CDKL5: variants seen among roughly 807,000 people sequenced by gnomAD.
The protein encoded by CDKL5 is cyclin-dependent kinase-like 5.
CDKL5 carries 8 observed loss-of-function variants against 61.7 expected under a neutral mutation model. That is an observed-to-expected ratio of 0.13 (90% CI 0.08 to 0.23). CDKL5 has a LOEUF of 0.23. CDKL5 is among the 10% of genes least tolerant of loss of function. The pLI is 1.00. For missense variants in CDKL5, 440 were observed against 734.5 expected (o/e 0.60, Z 4.63); for synonymous variants, 275 against 272.3 (o/e 1.01, Z -0.10).
Position 18,581,833 on chromosome X carries a change from G to A in CDKL5, c.404-58G>A, listed in dbSNP as rs760880490. 6.7e-5 allele frequency: 51 copies of A among 756,247 alleles called. No homozygotes were observed. The African/African-American group carries it at 9.3e-4, about 14-fold the overall frequency. 62.3% of individuals were successfully genotyped at this position (756,247 alleles called of 1,213,427 possible). On this transcript the variant is annotated intron_variant, in intron 6 of 17. Transcript: ENST00000623535. Reference sequence around the variant, plus strand: ...GATGCTATTACAGTGATCTAACAGTGTCAATCAGGAGAACATAGAACATTT... The same window carrying A: ...GATGCTATTACAGTGATCTAACAGTATCAATCAGGAGAACATAGAACATTT...
Position 18,629,783 on chromosome X carries a change from GT to G in CDKL5, c.*1027del. On this transcript the variant is annotated 3_prime_UTR_variant, in exon 18 of 18. Transcript: ENST00000623535. ...GTCCTCACACACTTGGCTCCTGTTT[GT>G]GTCCAGGGACGTTACTTGCACACAG... 1 of 754,550 alleles carries G rather than the reference GT, an allele frequency of 1.3e-6. No homozygotes were observed. The highest frequency in any genetic ancestry group is 1.6e-6 in the Non-Finnish European group (1 of 639,438). 62.2% of individuals were successfully genotyped at this position (754,550 alleles called of 1,213,427 possible).
chrX:18,434,443 T>C (rs913098473), intron 1 of CDKL5, among the ~76,000 whole-genome samples: 16 of 111,689 alleles, frequency 1.4e-4, no homozygotes, highest in African/African-American at 4.2e-4. Flanking sequence ...AATATTTTAC[T>C]GTCAGTTCAA....
At chrX:18,617,244 G>T (rs1299426840) in intron 15 of CDKL5, among the ~76,000 whole-genome samples, 2 of 111,670 alleles carry the variant, frequency 1.8e-5, no homozygotes, top group Non-Finnish European at 3.8e-5. Context: ...CTTACCACTT[G>T]TCTCATTGCC....
rs1373973217 is a variant in CDKL5 at position 18,450,180 on chromosome X, C to G, written c.-163+24485C>G. Among the ~76,000 whole-genome samples, 5 of 111,844 alleles carry G rather than the reference C, an allele frequency of 4.5e-5. No homozygotes were observed. In the East Asian group the frequency reaches 1.4e-3, roughly 32 times the overall value. ...CTTAATTCTTTTGAAGTGAAATAAGCAGATGCTGCCAAATGTAAGATATGT... is the reference window on the plus strand; with the variant it reads ...CTTAATTCTTTTGAAGTGAAATAAGGAGATGCTGCCAAATGTAAGATATGT... On this transcript the variant is annotated intron_variant, in intron 1 of 17. Coordinates refer to ENST00000623535, the MANE Select transcript of CDKL5 (RefSeq NM_001323289.2).
At chrX:18,645,685 A>G (rs1167962351) in intron 19 of CDKL5, among the ~76,000 whole-genome samples, 2 of 111,244 alleles carry the variant, frequency 1.8e-5, no homozygotes, top group Admixed American at 9.6e-5. Context: ...CTCTGGCCCC[A>G]CAGGAACCAG....
intron 10 of CDKL5, among the ~76,000 whole-genome samples, chrX:18,595,928 C>T (rs754696835): frequency 8.9e-6 from 1 of 111,757 alleles, no homozygotes; most frequent in Non-Finnish European, 1.9e-5. Flanking sequence ...AGTGTTCTTC[C>T]TTATGCTACC....
chrX:18,525,720 A>G (rs1298069608), intron 3 of CDKL5, among the ~76,000 whole-genome samples: 1 of 106,185 alleles, frequency 9.4e-6, no homozygotes, highest in Non-Finnish European at 1.9e-5. Context: ...GTTGAGAAGA[A>G]CTGACATCTT....
intron 15 of CDKL5, among the ~76,000 whole-genome samples, chrX:18,618,207 C>T (rs1926778710): frequency 8.9e-6 from 1 of 111,862 alleles, no homozygotes; most frequent in Admixed American, 9.5e-5. Flanking sequence ...ACCCTCAACA[C>T]ACCTGTGGTA....
At chrX:18,561,796 A>T (rs150524569) in intron 3 of CDKL5, among the ~76,000 whole-genome samples, 1 of 111,495 alleles carries the variant, frequency 9.0e-6, no homozygotes, top group Non-Finnish European at 1.9e-5. Flanking sequence ...TCAACATGTC[A>T]TATATTAAAA....
rs895672383 is a variant in CDKL5, at chrX:18,549,752, G to T, written c.100-14725G>T. ...CATTCCCCGCCCCCATCACCTTAGG[G>T]AACTGAAATTCAAGGTTTAGGGGGT... On this transcript the variant is annotated intron_variant, in intron 3 of 17. Coordinates refer to ENST00000623535, the MANE Select transcript of CDKL5 (RefSeq NM_001323289.2). Among the ~76,000 whole-genome samples, 8 of 111,390 alleles carry T rather than the reference G, an allele frequency of 7.2e-5. No homozygotes were observed. The Admixed American group carries it at 7.7e-4, about 11-fold the overall frequency.
At chrX:18,450,940 G>A (rs1932000320) in intron 1 of CDKL5, among the ~76,000 whole-genome samples, 1 of 108,500 alleles carries the variant, frequency 9.2e-6, no homozygotes, top group South Asian at 4.0e-4. Flanking sequence ...CTTTATTTGA[G>A]CACAGAACAC....
chrX:18,536,991 CTTT>C (rs377081484), intron 3 of CDKL5, among the ~76,000 whole-genome samples: 2 of 95,850 alleles, frequency 2.1e-5, no homozygotes. Context: ...AAAAATGTAG[CTTT>C]TTTTTTTTTT....
chrX:18,473,222 G>A (rs770976183), intron 1 of CDKL5, among the ~76,000 whole-genome samples: 1 of 110,746 alleles, frequency 9.0e-6, no homozygotes, highest in East Asian at 2.8e-4. Context: ...GCCTCCCAAA[G>A]TGCTGGAATT....
rs375394208 is a variant in CDKL5 at position 18,622,533 on chromosome X, G to A, written c.2376+2567G>A. Among the ~76,000 whole-genome samples, 300 of 112,516 alleles carry A rather than the reference G, an allele frequency of 2.7e-3. 2 individuals carry two copies. Among genetic ancestry groups the A allele is most frequent in the South Asian group, 6.2e-3 (17 of 2,734 alleles). On this transcript the variant is annotated intron_variant, in intron 16 of 17. Transcript: ENST00000623535. ...TTCACTTTCTAGAACTCAGCAAAAA[G>A]AAACTACATAGAATAAGCTTCAAAA...
chrX:18,571,887 AAG>A (rs1925145418), intron 4 of CDKL5, among the ~76,000 whole-genome samples: 1 of 111,613 alleles, frequency 9.0e-6, no homozygotes, highest in Non-Finnish European at 1.9e-5. Context: ...TAAAGTAGAA[AAG>A]CCTTTATTTC....
At chrX:18,469,579 C>T (rs1161966225) in intron 1 of CDKL5, among the ~76,000 whole-genome samples, 1 of 103,840 alleles carries the variant, frequency 9.6e-6, no homozygotes, top group Non-Finnish European at 2.0e-5. Context: ...ACCCAGGAGG[C>T]GGAGGTTGCA....
At chrX:18,566,460 T>A (rs1272522805) in intron 4 of CDKL5, among the ~76,000 whole-genome samples, 1 of 112,731 alleles carries the variant, frequency 8.9e-6, no homozygotes, top group East Asian at 2.8e-4. Flanking sequence ...CCAGCCCCAT[T>A]ACTTTCTTTT....
At chrX:18,444,043 G>A (rs1201653173) in intron 1 of CDKL5, 1 of 104,974 alleles carries the variant, frequency 9.5e-6, no homozygotes, top group African/African-American at 3.5e-5. Context: ...GTACTTTTGA[G>A]TTGCTGTTTA....
At chrX:18,443,947 A>C (rs1228861712) in intron 1 of CDKL5, 1 of 111,525 alleles carries the variant, frequency 9.0e-6, no homozygotes, top group Admixed American at 9.6e-5. Context: ...GTTTAGTTGT[A>C]ATTTCGTTGT....
Sources: allele counts gnomAD v4.1 joint callset (sites outside exome capture counted in the v4.1 genomes callset), GRCh38; gene constraint gnomAD v4.1.1; transcripts MANE v1.5; gene names NCBI Gene and HGNC (gene_info 2026-07-23, HGNC 2026-07-21).